The following ANAPC10 variants were observed in gnomAD, a reference collection of about 807,000 sequenced individuals.
ANAPC10 encodes the protein anaphase-promoting complex subunit 10.
A neutral mutation model predicts 22.0 loss-of-function variants in ANAPC10; 12 were observed. The observed-to-expected ratio is 0.55, with a 90% CI of 0.35 to 0.88. The LOEUF (loss-of-function observed/expected upper bound fraction) is 0.88. Among genes scored for constraint, ANAPC10 ranks in the 40% least tolerant of loss-of-function variants. The probability of loss-of-function intolerance (pLI) is 0.01; values close to 1 mark genes in which losing one functional copy is unlikely to be tolerated. For synonymous variants in ANAPC10, 65 were observed against 69.5 expected (o/e 0.94, Z 0.32); for missense variants, 188 against 220.9 (o/e 0.85, Z 0.94).
At chr4:145,053,570 C>T (rs1340296553) in intron 4 of ANAPC10, 6 of 421,048 alleles carry the variant, frequency 1.4e-5, no homozygotes, top group Non-Finnish European at 2.5e-5. Context: ...CTGTTTTGTA[C>T]CATCAACTAT....
chr4:145,039,802 G>T (rs945146509), intron 4 of ANAPC10, among the ~76,000 whole-genome samples: 38 of 152,098 alleles, frequency 2.5e-4, no homozygotes, highest in Middle Eastern at 6.8e-3. Context: ...CACCATGTTG[G>T]CCAGGATGGT....
At chr4:145,077,972 A>T (rs1745427241) in intron 3 of ANAPC10, among the ~76,000 whole-genome samples, 1 of 152,158 alleles carries the variant, frequency 6.6e-6, no homozygotes, top group Non-Finnish European at 1.5e-5. Flanking sequence ...CAAGACAAAG[A>T]TGCCCACTCT....
intron 4 of ANAPC10, among the ~76,000 whole-genome samples, chr4:145,007,564 C>T (rs1388710408): frequency 1.3e-5 from 2 of 152,136 alleles, no homozygotes; most frequent in Non-Finnish European, 2.9e-5. Context: ...GAACAACCTG[C>T]TCCTGAATGA....
chr4:145,032,831 T>C (rs186978030), intron 4 of ANAPC10, among the ~76,000 whole-genome samples: 18 of 152,348 alleles, frequency 1.2e-4, no homozygotes, highest in South Asian at 1.0e-3. Flanking sequence ...TCTTCCATCA[T>C]GGAAACGGCA....
At chr4:145,082,579 C>T (rs982409333) in intron 2 of ANAPC10, among the ~76,000 whole-genome samples, 2 of 152,176 alleles carry the variant, frequency 1.3e-5, no homozygotes, top group Admixed American at 1.3e-4. Context: ...GCCATGCTTA[C>T]TGAGACAAGA....
intron 4 of ANAPC10, among the ~76,000 whole-genome samples, chr4:145,011,130 G>A (rs890510131): frequency 5.3e-5 from 8 of 151,886 alleles, no homozygotes; most frequent in Non-Finnish European, 1.0e-4. Context: ...TCAGGAGTTC[G>A]AGACCAACCT....
intron 4 of ANAPC10, among the ~76,000 whole-genome samples, chr4:145,056,490 C>T (rs115022905): frequency 6.6e-6 from 1 of 152,302 alleles, no homozygotes; most frequent in Non-Finnish European, 1.5e-5. Context: ...CCTTAAAAAA[C>T]TCGCTTTCAC....
chr4:145,053,289 A>G (rs1179109503), intron 4 of ANAPC10, among the ~76,000 whole-genome samples: 2 of 152,232 alleles, frequency 1.3e-5, no homozygotes, highest in African/African-American at 2.4e-5. Context: ...CTCAATAAAG[A>G]TTAAAATAGA....
rs148092951 is a variant in ANAPC10, at chr4:145,003,351, T to G, written c.328-7748A>C. ...GCTGCAATGAACATACATGTGCATA[T>G]GTCTTTATGGTAGAACGATTTATAT... is the stretch of plus-strand genomic sequence containing the variant. On this transcript the variant is annotated intron_variant, in intron 4 of 4. Coordinates refer to ENST00000507656, the MANE Select transcript of ANAPC10 (RefSeq NM_001256706.2). Among the ~76,000 whole-genome samples, 510 of 152,316 alleles carry G rather than the reference T, an allele frequency of 3.3e-3. 9 individuals carry two copies. The highest frequency in any genetic ancestry group is 0.029 in the Admixed American group (440 of 15,286).
chr4:145,072,437 A>C, intron 3 of ANAPC10, among the ~76,000 whole-genome samples: 1 of 152,234 alleles, frequency 6.6e-6, no homozygotes, highest in East Asian at 1.9e-4. Context: ...AAAACATCTA[A>C]GGAACCAAAT....
At chr4:145,060,130 T>C (rs1055451717) in intron 4 of ANAPC10, among the ~76,000 whole-genome samples, 10 of 152,082 alleles carry the variant, frequency 6.6e-5, no homozygotes, top group Non-Finnish European at 1.5e-5. Context: ...AAACATCTTA[T>C]AAAGTGTTCT....
chr4:145,007,375 C>T (rs990130892), intron 4 of ANAPC10, among the ~76,000 whole-genome samples: 1 of 152,068 alleles, frequency 6.6e-6, no homozygotes. Flanking sequence ...CCAAAATTGA[C>T]CACATAGTTG....
intron 4 of ANAPC10, among the ~76,000 whole-genome samples, chr4:145,009,426 C>T (rs1307388329): frequency 6.6e-6 from 1 of 151,248 alleles, no homozygotes; most frequent in Non-Finnish European, 1.5e-5. Context: ...TACTTCACTT[C>T]AAAATATACT....
chr4:145,093,217 C>A (rs1356635649), intron 2 of ANAPC10, among the ~76,000 whole-genome samples: 1 of 152,138 alleles, frequency 6.6e-6, no homozygotes, highest in African/African-American at 2.4e-5. Flanking sequence ...AAGAAAATGT[C>A]TCTGGCACAA....
intron 4 of ANAPC10, among the ~76,000 whole-genome samples, chr4:145,017,198 G>A (rs538112486): frequency 6.6e-5 from 10 of 151,986 alleles, no homozygotes; most frequent in African/African-American, 2.2e-4. Flanking sequence ...TACAGAATTG[G>A]AGAAAATTTT....
intron 4 of ANAPC10, among the ~76,000 whole-genome samples, chr4:145,061,545 T>C (rs1238061419): frequency 2.6e-5 from 4 of 152,062 alleles, no homozygotes; most frequent in Non-Finnish European, 4.4e-5. Flanking sequence ...TAGAGGAGGT[T>C]TCAAATATAT....
chr4:145,091,252 C>T (rs896083162), intron 2 of ANAPC10, among the ~76,000 whole-genome samples: 3 of 152,146 alleles, frequency 2.0e-5, no homozygotes, highest in African/African-American at 7.2e-5. Context: ...ACATGTGTTG[C>T]TCTCTTCAAA....
intron 4 of ANAPC10, among the ~76,000 whole-genome samples, chr4:145,005,912 G>A (rs190701625): frequency 6.6e-6 from 1 of 152,258 alleles, no homozygotes; most frequent in African/African-American, 2.4e-5. Context: ...ACATGTAGAT[G>A]AGAAAAATGT....
intron 4 of ANAPC10, among the ~76,000 whole-genome samples, chr4:145,041,621 A>AATC (rs1459745107): frequency 6.6e-6 from 1 of 152,246 alleles, no homozygotes; most frequent in Non-Finnish European, 1.5e-5. Context: ...TATGCAAGAT[A>AATC]TGTCTTGCTT....
Sources: gnomAD v4.1 joint callset for allele counts (sites outside exome capture counted in the v4.1 genomes callset) on GRCh38, gnomAD v4.1.1 for gene constraint, MANE v1.5 for transcripts, NCBI Gene and HGNC (gene_info 2026-07-23, HGNC 2026-07-21) for gene names.